The following EPM2A variants were observed in gnomAD, a reference collection of about 807,000 sequenced individuals.
EPM2A encodes EPM2A glucan phosphatase, laforin.
In EPM2A, 21 loss-of-function variants were observed where a neutral mutation model predicts 26.5. The ratio of observed to expected loss-of-function variants is 0.79; its 90% CI spans 0.56 to 1.14. The LOEUF is 1.14. Among genes scored for constraint, EPM2A ranks in the 50% most tolerant of loss-of-function variants. EPM2A has a pLI of 0.00. For synonymous variants in EPM2A, 217 were observed against 177.6 expected (o/e 1.22, Z -1.76); for missense variants, 458 against 440.8 (o/e 1.04, Z -0.35).
chr6:145,712,475 C>T (rs774747475), intron 1 of EPM2A, among the ~76,000 whole-genome samples: 4 of 152,054 alleles, frequency 2.6e-5, no homozygotes, highest in Non-Finnish European at 5.9e-5. Context: ...GGAGCTGAAA[C>T]ATGACTTTAC....
At chr6:145,559,672 C>CT (rs201917957) in intron 2 of EPM2A, among the ~76,000 whole-genome samples, 136 of 138,724 alleles carry the variant, frequency 9.8e-4, no homozygotes, top group East Asian at 4.7e-3. Context: ...ATACTTTCTC[C>CT]TTTTTTTTTT....
chr6:145,719,677 G>T (rs1775847507), intron 1 of EPM2A, among the ~76,000 whole-genome samples: 1 of 152,060 alleles, frequency 6.6e-6, no homozygotes, highest in African/African-American at 2.4e-5. Context: ...TTCTGCTTTA[G>T]TCCTTACTTG....
chr6:145,690,629 C>T (rs1214453813), intron 1 of EPM2A, among the ~76,000 whole-genome samples: 2 of 140,200 alleles, frequency 1.4e-5, no homozygotes, highest in Non-Finnish European at 3.1e-5. Context: ...AGATCTCAAA[C>T]TAAATGGAAA....
At chr6:145,434,336 C>A (rs1158785389) in intron 4 of EPM2A, among the ~76,000 whole-genome samples, 1 of 151,310 alleles carries the variant, frequency 6.6e-6, no homozygotes, top group Admixed American at 6.6e-5. Context: ...TCACAGCTGA[C>A]TGCTGCAGCT....
chr6:145,647,847 G>A (rs1229512701), intron 2 of EPM2A, among the ~76,000 whole-genome samples: 1 of 152,158 alleles, frequency 6.6e-6, no homozygotes, highest in Non-Finnish European at 1.5e-5. Context: ...CTGTGTTGAA[G>A]ACATTGTCAA....
At chr6:145,531,077 G>A (rs754374850) in intron 2 of EPM2A, among the ~76,000 whole-genome samples, 15 of 152,132 alleles carry the variant, frequency 9.9e-5, no homozygotes, top group African/African-American at 1.4e-4. Context: ...TCAGGATGGT[G>A]GGAAAAATTT....
At chr6:145,734,017 C>T (rs1392615418) in intron 1 of EPM2A, among the ~76,000 whole-genome samples, 3 of 151,936 alleles carry the variant, frequency 2.0e-5, no homozygotes, top group African/African-American at 4.8e-5. Context: ...GATAATCACC[C>T]TTTTAGGGCA....
intron 2 of EPM2A, among the ~76,000 whole-genome samples, chr6:145,505,292 G>T (rs907050271): frequency 6.6e-6 from 1 of 151,768 alleles, no homozygotes; most frequent in Non-Finnish European, 1.5e-5. Flanking sequence ...TATAGAAAAG[G>T]TGCATGAATA....
chr6:145,454,303 A>T (rs1349540412), intron 4 of EPM2A, among the ~76,000 whole-genome samples: 1 of 152,182 alleles, frequency 6.6e-6, no homozygotes, highest in Non-Finnish European at 1.5e-5. Flanking sequence ...CTGAACTTTC[A>T]TGAAATCAAT....
At chr6:145,498,636 TCA>T (rs1312394118), downstream of EPM2A, among the ~76,000 whole-genome samples, 1 of 152,200 alleles carries the variant, frequency 6.6e-6, no homozygotes, top group Non-Finnish European at 1.5e-5. Flanking sequence ...TGGCTCTGTG[TCA>T]CGCCTGCATG....
intron 2 of EPM2A, among the ~76,000 whole-genome samples, chr6:145,502,940 A>G (rs1582804651): frequency 6.6e-6 from 1 of 152,234 alleles, no homozygotes; most frequent in Admixed American, 6.5e-5. Context: ...TTTTGAATAC[A>G]TAATTAGTTT....
At chr6:145,588,760 T>C (rs1408304453) in intron 2 of EPM2A, among the ~76,000 whole-genome samples, 3 of 152,224 alleles carry the variant, frequency 2.0e-5, no homozygotes, top group East Asian at 1.9e-4. Flanking sequence ...TTATGTTTTA[T>C]AGTCTATAAA....
In EPM2A at chr6:145,510,473, C is replaced by T. The variant is rs77629993; in HGVS notation, c.341-7898G>A. Among the ~76,000 whole-genome samples, 31 of 152,132 alleles carry T rather than the reference C, an allele frequency of 2.0e-4. No individual in the cohort carries two copies. In the East Asian group the frequency reaches 4.4e-3, roughly 22 times the overall value. ...CTACATAAATACATGGAAAATAAACCACTTGCTCCTGAATGACTTTTCAGT... is the reference window on the plus strand; with the variant it reads ...CTACATAAATACATGGAAAATAAACTACTTGCTCCTGAATGACTTTTCAGT... On this transcript the variant is annotated intron_variant, in intron 2 of 3. Coordinates refer to the EPM2A transcript ENST00000450221.
At chr6:145,647,694 AAAGGGAAAGGGG>A (rs989338571) in intron 2 of EPM2A, among the ~76,000 whole-genome samples, 5 of 151,602 alleles carry the variant, frequency 3.3e-5, no homozygotes, top group Admixed American at 1.3e-4. Flanking sequence ...GAAGGAAGGG[AAAGGGAAAGGGG>A]AAGGGGAAGG....
At chr6:145,679,864 T>C (rs1780368440) in intron 2 of EPM2A, among the ~76,000 whole-genome samples, 1 of 152,170 alleles carries the variant, frequency 6.6e-6, no homozygotes. Context: ...TGTTTGGTTG[T>C]TAAATAGCAT....
intron 4 of EPM2A, among the ~76,000 whole-genome samples, chr6:145,392,746 T>C (rs927726370): frequency 2.0e-5 from 3 of 152,146 alleles, no homozygotes; most frequent in African/African-American, 7.2e-5. Flanking sequence ...GCCTTCTCAG[T>C]GGTTGTCAAT....
In EPM2A at chr6:145,569,025, C is replaced by A. The variant is rs1780921171; in HGVS notation, c.340+66220G>T. On this transcript the variant is annotated intron_variant, in intron 2 of 3. Coordinates refer to the EPM2A transcript ENST00000450221. Reference sequence around the variant, plus strand: ...GAGGCAGCCATAGGCATGGAGTTTTCAAAACCAAATAATATGTGAATTGTT... The same window carrying A: ...GAGGCAGCCATAGGCATGGAGTTTTAAAAACCAAATAATATGTGAATTGTT... Among the ~76,000 whole-genome samples the A allele has an allele frequency of 2.0e-5, 3 of 152,130 alleles. No individual in the cohort carries two copies. In the South Asian group the frequency reaches 6.2e-4, roughly 32 times the overall value.
chr6:145,542,563 C>T (rs528894317), intron 2 of EPM2A, among the ~76,000 whole-genome samples: 45 of 152,310 alleles, frequency 3.0e-4, no homozygotes, highest in African/African-American at 1.1e-3. Context: ...CAAAAATAGT[C>T]AGGGAATGAA....
At chr6:145,398,247 G>A (rs1423246585) in intron 4 of EPM2A, among the ~76,000 whole-genome samples, 2 of 152,062 alleles carry the variant, frequency 1.3e-5, no homozygotes, top group African/African-American at 2.4e-5. Context: ...TTAAGGGCAT[G>A]GTTATTTGTT....
Sources: allele counts gnomAD v4.1 joint callset (sites outside exome capture counted in the v4.1 genomes callset), GRCh38; gene constraint gnomAD v4.1.1; transcripts MANE v1.5; gene names NCBI Gene and HGNC (gene_info 2026-07-23, HGNC 2026-07-21).